Variants in KAZN observed in about 807,000 individuals in gnomAD.
KAZN encodes the protein kazrin, periplakin interacting protein, also known as kazrin.
A neutral mutation model predicts 87.4 loss-of-function variants in KAZN; 40 were observed. That is an observed-to-expected ratio of 0.46 (90% CI 0.36 to 0.60). KAZN has a LOEUF of 0.60. Among genes scored for constraint, KAZN ranks in the 20% least tolerant of loss-of-function variants. The pLI, the probability that KAZN is intolerant of heterozygous loss-of-function variation, is 0.00. For synonymous variants in KAZN, 466 were observed against 458.3 expected, an observed-to-expected ratio of 1.02 and a Z score of -0.22; for missense variants, 898 against 1,073.9, an observed-to-expected ratio of 0.84 and a Z score of 2.29.
intron 1 of KAZN, among the ~76,000 whole-genome samples, chr1:13,987,250 C>T (rs1639063787): frequency 6.6e-6 from 1 of 152,040 alleles, no homozygotes; most frequent in South Asian, 2.1e-4. Flanking sequence ...TTTGCTGCAC[C>T]TATCAACCTG....
chr1:14,752,945 A>G (rs1401602672), intron 1 of KAZN, among the ~76,000 whole-genome samples: 1 of 152,206 alleles, frequency 6.6e-6, no homozygotes, highest in East Asian at 1.9e-4. Context: ...GTAACCAGAG[A>G]GCTTGGCATT....
chr1:15,045,257 C>T (rs901518925), intron 4 of KAZN, among the ~76,000 whole-genome samples: 7 of 152,202 alleles, frequency 4.6e-5, no homozygotes, highest in African/African-American at 9.7e-5. Flanking sequence ...GAGGATTTGT[C>T]GTCCTGCAGA....
At chr1:14,405,606 ATGTGTGTGTGTGTGTGTGTGTGTG>A (rs111850452) in intron 2 of KAZN, among the ~76,000 whole-genome samples, 1 of 136,220 alleles carries the variant, frequency 7.3e-6, no homozygotes, top group Non-Finnish European at 1.6e-5. Flanking sequence ...ACCCAATAAA[ATGTGTGTGTGTGTGTGTGTGTGTG>A]TGTGTGTGTG....
intron 1 of KAZN, among the ~76,000 whole-genome samples, chr1:14,609,405 G>C (rs1677635396): frequency 1.3e-5 from 2 of 152,202 alleles, no homozygotes; most frequent in African/African-American, 2.4e-5. Flanking sequence ...CTCATGGTCA[G>C]CTTCCACAGG....
At chr1:14,851,759 G>A (rs1355360022) in intron 1 of KAZN, among the ~76,000 whole-genome samples, 1 of 152,228 alleles carries the variant, frequency 6.6e-6, no homozygotes, top group Non-Finnish European at 1.5e-5. Flanking sequence ...AGGCAGAACA[G>A]CGCCCAATAC....
intron 1 of KAZN, among the ~76,000 whole-genome samples, chr1:14,818,451 C>A (rs1181472210): frequency 1.3e-5 from 2 of 152,226 alleles, no homozygotes. Flanking sequence ...GGCGATACCA[C>A]CTCTACTTCT....
At chr1:14,727,127 G>T (rs1016069303) in intron 1 of KAZN, among the ~76,000 whole-genome samples, 2 of 152,062 alleles carry the variant, frequency 1.3e-5, no homozygotes, top group African/African-American at 4.8e-5. Flanking sequence ...ATATATATAT[G>T]GAGAGAGAAA....
intron 1 of KAZN, among the ~76,000 whole-genome samples, chr1:13,991,779 C>T (rs1306736100): frequency 6.6e-6 from 1 of 152,132 alleles, no homozygotes; most frequent in Non-Finnish European, 1.5e-5. Context: ...TTTCCTTCAA[C>T]AAATATCGTG....
chr1:14,208,988 G>A (rs186402697), intron 2 of KAZN, among the ~76,000 whole-genome samples: 2 of 152,320 alleles, frequency 1.3e-5, no homozygotes, highest in Admixed American at 6.5e-5. Flanking sequence ...CAAGAGCCTC[G>A]CAGGACATCA....
chr1:14,882,344 C>T (rs940520851), intron 1 of KAZN, among the ~76,000 whole-genome samples: 4 of 152,162 alleles, frequency 2.6e-5, no homozygotes, highest in African/African-American at 7.2e-5. Flanking sequence ...AATGACTCAG[C>T]GGCAGTAACA....
intron 1 of KAZN, among the ~76,000 whole-genome samples, chr1:14,900,343 C>T (rs1344366619): frequency 6.6e-6 from 1 of 152,172 alleles, no homozygotes; most frequent in Non-Finnish European, 1.5e-5. Context: ...GCTGTGCAGT[C>T]ACCTCTGCCA....
At chr1:14,316,456 T>C (rs1332501227) in intron 2 of KAZN, among the ~76,000 whole-genome samples, 1 of 152,020 alleles carries the variant, frequency 6.6e-6, no homozygotes, top group Admixed American at 6.6e-5. Context: ...CTCCCTTTGT[T>C]ACTTGATCAA....
At chr1:13,905,635 C>T (rs1252116904) in intron 1 of KAZN, among the ~76,000 whole-genome samples, 2 of 152,176 alleles carry the variant, frequency 1.3e-5, no homozygotes, top group Non-Finnish European at 2.9e-5. Flanking sequence ...TTCCTCTATC[C>T]CAGCATAACC....
At chr1:14,472,644 CT>C (rs796277890) in intron 2 of KAZN, among the ~76,000 whole-genome samples, 461 of 140,480 alleles carry the variant, frequency 3.3e-3, no homozygotes, top group African/African-American at 6.1e-3. Context: ...AAAGAAGCTT[CT>C]TTTTTTTTTT....
At chr1:14,186,784 C>T (rs774536923) in intron 2 of KAZN, among the ~76,000 whole-genome samples, 1 of 152,108 alleles carries the variant, frequency 6.6e-6, no homozygotes, top group Admixed American at 6.6e-5. Flanking sequence ...CTGCTGCATG[C>T]GTGGACTTCA....
chr1:14,675,369 G>A (rs1640159613), intron 1 of KAZN, among the ~76,000 whole-genome samples: 1 of 152,246 alleles, frequency 6.6e-6, no homozygotes, highest in African/African-American at 2.4e-5. Flanking sequence ...ACATCTGGTA[G>A]GAAATGAGCT....
At chr1:15,014,649 T>G (rs1669899885) in intron 2 of KAZN, among the ~76,000 whole-genome samples, 2 of 152,148 alleles carry the variant, frequency 1.3e-5, no homozygotes, top group South Asian at 4.1e-4. Context: ...TCTGTCACTG[T>G]CCAGAAAGCC....
chr1:14,090,856 G>C (rs1276826240), intron 1 of KAZN, among the ~76,000 whole-genome samples: 1 of 152,102 alleles, frequency 6.6e-6, no homozygotes, highest in Non-Finnish European at 1.5e-5. Context: ...GCTCAGGCCT[G>C]TAATCCCAGC....
At chr1:14,417,686 T>C (rs1029920057) in intron 2 of KAZN, among the ~76,000 whole-genome samples, 2 of 152,044 alleles carry the variant, frequency 1.3e-5, no homozygotes, top group Non-Finnish European at 2.9e-5. Flanking sequence ...GACTGTCATC[T>C]GAAATTAAAC....
Sources: allele counts gnomAD v4.1 joint callset (sites outside exome capture counted in the v4.1 genomes callset), GRCh38; gene constraint gnomAD v4.1.1; transcripts MANE v1.5; gene names NCBI Gene and HGNC (gene_info 2026-07-23, HGNC 2026-07-21).